The following RPN1 variants were observed in gnomAD, a reference collection of about 807,000 sequenced individuals.
The protein encoded by RPN1 is dolichyl-diphosphooligosaccharide--protein glycosyltransferase subunit 1.
Under a neutral mutation model 55.5 loss-of-function variants are expected in RPN1, and 12 were observed. The ratio of observed to expected loss-of-function variants is 0.22; its 90% CI spans 0.14 to 0.35. The LOEUF (loss-of-function observed/expected upper bound fraction) is 0.35, where lower values mean the gene tolerates loss of function less well. Ranked by LOEUF, RPN1 falls within the 10% of genes least tolerant of loss-of-function variation. The pLI is 1.00. For missense variants in RPN1, 679 were observed against 761.3 expected (o/e 0.89, Z 1.27); for synonymous variants, 317 against 305.9 (o/e 1.04, Z -0.38).
Position 128,620,330 on chromosome 3 carries a change from C to G in RPN1, c.*81G>C. 1.5e-6 allele frequency: 2 copies of G among 1,378,332 alleles called. No homozygotes were observed. The highest frequency in any genetic ancestry group is 2.0e-6 in the Non-Finnish European group (2 of 1,012,764). 85.4% of individuals were successfully genotyped at this position (1,378,332 alleles called of 1,614,324 possible). On this transcript the variant is annotated 3_prime_UTR_variant, in exon 10 of 10. Coordinates refer to ENST00000296255, the MANE Select transcript of RPN1 (RefSeq NM_002950.4). ...ATGTCAGCTTTCACTGGCCTCCATG[C>G]ACAACCTCCCACTACCACCCAATCT...
intron 2 of RPN1, among the ~76,000 whole-genome samples, chr3:128,641,755 T>C (rs2069727292): frequency 6.6e-6 from 1 of 151,870 alleles, no homozygotes; most frequent in Non-Finnish European, 1.5e-5. Context: ...GTTACAGGCA[T>C]GCACCACCAC....
At chr3:128,633,554 A>C (rs1452466430) in intron 3 of RPN1, among the ~76,000 whole-genome samples, 1 of 152,142 alleles carries the variant, frequency 6.6e-6, no homozygotes, top group African/African-American at 2.4e-5. Context: ...CAATTTGAAA[A>C]ACATTACTTC....
chr3:128,634,838 G>T (rs2069665457), intron 3 of RPN1, among the ~76,000 whole-genome samples: 1 of 152,028 alleles, frequency 6.6e-6, no homozygotes, highest in South Asian at 2.1e-4. Context: ...CAGGGTTACA[G>T]ACCTGAGCCA....
intron 3 of RPN1, among the ~76,000 whole-genome samples, chr3:128,636,289 C>T (rs747776548): frequency 1.3e-4 from 20 of 151,846 alleles, no homozygotes; most frequent in Non-Finnish European, 1.6e-4. Flanking sequence ...GGAGAAACCC[C>T]GTCTCTACAA....
At chr3:128,647,553 G>A (rs934399808) in intron 1 of RPN1, among the ~76,000 whole-genome samples, 2 of 151,998 alleles carry the variant, frequency 1.3e-5, no homozygotes, top group East Asian at 1.9e-4. Context: ...TTAGCCAGGC[G>A]TAGTGGTGCG....
chr3:128,626,946 AC>A lies in RPN1; in HGVS notation c.1037-115del, dbSNP rs1247238149. The A allele has an allele frequency of 5.9e-6, 5 of 844,798 alleles. No homozygotes were observed. In the African/African-American group the frequency reaches 8.4e-5, roughly 14 times the overall value. 52.3% of individuals were successfully genotyped at this position (844,798 alleles called of 1,614,324 possible). A position where few individuals can be genotyped will look rare whatever the true frequency, so the allele number is the denominator to read the frequency against. On this transcript the variant is annotated intron_variant, in intron 5 of 9. Transcript: ENST00000296255. ...GAGCAAGTAGACAGCAAAACCAAAA[AC>A]CCACGGACCATGTTTACAACAAAAC...
intron 3 of RPN1, among the ~76,000 whole-genome samples, chr3:128,635,173 G>A (rs9289331): frequency 0.2 from 31,128 of 151,898 alleles, 3,459 homozygotes; most frequent in East Asian, 0.41. Flanking sequence ...GAGACATGGA[G>A]GAATATAAGT....
chr3:128,622,368 T>G lies in RPN1; in HGVS notation c.1437A>C (p.Thr479=). ...TGTTGACCAGGGTCAAGACCTGCTC[T>G]GTGATGCAGGCTACCTTCATCCTGG... ...AEARMKVACI[T]EQVLTLVNKR... is the part of the protein sequence containing the mutation. Residue 479 remains threonine (T), a synonymous_variant, in exon 9 of 10, where the codon ACA becomes ACC. Coordinates refer to ENST00000296255, the MANE Select transcript of RPN1 (RefSeq NM_002950.4). The G allele has an allele frequency of 6.2e-7, 1 of 1,614,196 alleles. No homozygotes were observed.
At chr3:128,649,195 G>C (rs181516048) in intron 1 of RPN1, among the ~76,000 whole-genome samples, 3 of 152,254 alleles carry the variant, frequency 2.0e-5, no homozygotes, top group African/African-American at 7.2e-5. Context: ...ATAATAGGCA[G>C]TTTTTTGTAT....
In RPN1 at chr3:128,620,123, C is replaced by T; in HGVS notation, c.*288G>A. ...CTGAAAAATATCTTAGACTTCAGAA[C>T]AGAATACCAATCAAATATTGAAAAT... On this transcript the variant is annotated 3_prime_UTR_variant, in exon 10 of 10. Transcript: ENST00000296255. 1 of 271,700 alleles carries T rather than the reference C, an allele frequency of 3.7e-6. No homozygotes were observed. Among genetic ancestry groups the T allele is most frequent in the East Asian group, 5.6e-5 (1 of 17,894 alleles). 16.8% of individuals were successfully genotyped at this position (271,700 alleles called of 1,614,324 possible). A position where few individuals can be genotyped will look rare whatever the true frequency, so the allele number is the denominator to read the frequency against.
At chr3:128,642,284 G>C (rs2069731856) in intron 2 of RPN1, 1 of 152,164 alleles carries the variant, frequency 6.6e-6, no homozygotes, top group Non-Finnish European at 1.5e-5. Flanking sequence ...GAAAAATTGA[G>C]ATAATCACCA....
At chr3:128,642,520 C>A (rs1036006318) in intron 2 of RPN1, 1 of 151,912 alleles carries the variant, frequency 6.6e-6, no homozygotes, top group Admixed American at 6.6e-5. Flanking sequence ...ATAGTGAAAC[C>A]CTCTCTCTAC....
chr3:128,620,564 C>A lies in RPN1; in HGVS notation c.1671G>T (p.Gln557His). The A allele has an allele frequency of 6.2e-7, 1 of 1,613,884 alleles. No homozygotes were observed. Among genetic ancestry groups the A allele is most frequent in the Non-Finnish European group, 8.5e-7 (1 of 1,179,886 alleles). ...RVSEMQKLDA[Q>H]VKELVLKSAV... ...CCGACTTCAGCACCAGCTCCTTGACCTGTGCATCCAGCTTCTGCATTTCGC... is the reference window on the plus strand; with the variant it reads ...CCGACTTCAGCACCAGCTCCTTGACATGTGCATCCAGCTTCTGCATTTCGC... The change falls in exon 10 of 10, where the codon CAG becomes CAT. Residue 557 changes from glutamine (Q) to histidine (H), a missense_variant. By Grantham distance (24) the Gln-to-His change is conservative. This residue lies in a region of RPN1 where 306 missense variants were observed against 360.0 expected (regional missense o/e 0.85). Coordinates refer to ENST00000296255, the MANE Select transcript of RPN1 (RefSeq NM_002950.4).
intron 2 of RPN1, among the ~76,000 whole-genome samples, chr3:128,642,132 C>G (rs1324020492): frequency 6.6e-6 from 1 of 152,152 alleles, no homozygotes; most frequent in Non-Finnish European, 1.5e-5. Context: ...CAGACAGCCT[C>G]AGAGAGGGAG....
chr3:128,649,665 G>A (rs949199263), intron 1 of RPN1, among the ~76,000 whole-genome samples: 1 of 152,170 alleles, frequency 6.6e-6, no homozygotes. Flanking sequence ...CCAAACCTCT[G>A]TGTATGTACA....
At chr3:128,629,135 G>C (rs1336333004) in intron 5 of RPN1, among the ~76,000 whole-genome samples, 1 of 152,028 alleles carries the variant, frequency 6.6e-6, no homozygotes, top group African/African-American at 2.4e-5. Flanking sequence ...AACACTTTTT[G>C]AGTAGCTAGC....
chr3:128,633,492 G>C (rs748945172), intron 3 of RPN1, among the ~76,000 whole-genome samples: 31 of 152,100 alleles, frequency 2.0e-4, no homozygotes, highest in Non-Finnish European at 3.8e-4. Flanking sequence ...GGGATTACAA[G>C]CATAAGCCAC....
Position 128,632,141 on chromosome 3 carries a change from T to G in RPN1, c.650A>C (p.His217Pro). Reference sequence around the variant, plus strand: ...CAGGAAAGGGCTGTTGTTCTCATAATGTACTTTAAAAGTATCCTGGAAGGA... The same window carrying G: ...CAGGAAAGGGCTGTTGTTCTCATAAGGTACTTTAAAAGTATCCTGGAAGGA... ...PAYSQDTFKV[H>P]YENNSPFLTI... The change falls in exon 4 of 10, where the codon CAT becomes CCT. Residue 217 changes from histidine to proline, a missense_variant. This residue lies in a region of RPN1 where 352 missense variants were observed against 352.8 expected (regional missense o/e 1.00). Coordinates refer to ENST00000296255, the MANE Select transcript of RPN1 (RefSeq NM_002950.4). The G allele has an allele frequency of 1.9e-6, 3 of 1,614,220 alleles. No homozygotes were observed. Among genetic ancestry groups the G allele is most frequent in the Non-Finnish European group, 2.5e-6 (3 of 1,180,042 alleles).
At chr3:128,645,121 C>T in intron 1 of RPN1, 138 bp from the exon 2 acceptor site, 1 of 622,146 alleles carries the variant, frequency 1.6e-6, no homozygotes, top group South Asian at 2.0e-5. Flanking sequence ...ATTTTCTTTT[C>T]AGTAACAATT....
Sources: allele counts gnomAD v4.1 joint callset (sites outside exome capture counted in the v4.1 genomes callset), GRCh38; gene constraint gnomAD v4.1.1; regional missense constraint gnomAD v4.1.1; transcripts MANE v1.5; gene names NCBI Gene and HGNC (gene_info 2026-07-23, HGNC 2026-07-21).